MMP24: variants seen among roughly 807,000 people sequenced by gnomAD.
MMP24 encodes matrix metalloproteinase-24.
MMP24 carries 25 observed loss-of-function variants against 62.8 expected under a neutral mutation model. The observed-to-expected ratio is 0.40, with a 90% CI of 0.29 to 0.56. The LOEUF (loss-of-function observed/expected upper bound fraction) is 0.56. Among genes scored for constraint, MMP24 ranks in the 20% least tolerant of loss-of-function variants. MMP24 has a pLI of 0.50. For synonymous variants in MMP24, 319 were observed against 350.5 expected (o/e 0.91, Z 1.00); for missense variants, 634 against 853.6 (o/e 0.74, Z 3.21).
rs1402789255 is a variant in MMP24, at chr20:35,267,232, C to T, written c.1007C>T (p.Thr336Ile). ...CCCCCAGCCGAGCCTCTGGAGCCCACAAGGCCACTCCCTACACTCCCCGTC... is the reference window on the plus strand; with the variant it reads ...CCCCCAGCCGAGCCTCTGGAGCCCATAAGGCCACTCCCTACACTCCCCGTC... The part of the protein sequence containing the change: ...YGPPAEPLEP[T>I]RPLPTLPVRR... The change falls in exon 6 of 9, where the codon ACA becomes ATA. Residue 336 changes from threonine (T) to isoleucine (I), a missense_variant. Transcript: ENST00000246186. 6.2e-7 allele frequency: 1 copy of T among 1,602,992 alleles called. No individual in the cohort carries two copies. Among genetic ancestry groups the T allele is most frequent in the Non-Finnish European group, 8.5e-7 (1 of 1,175,336 alleles).
intron 1 of MMP24, among the ~76,000 whole-genome samples, chr20:35,230,754 AG>A (rs1266324243): frequency 1.3e-5 from 2 of 152,346 alleles, no homozygotes; most frequent in East Asian, 3.9e-4. Context: ...TCTTTAATTG[AG>A]TTGCCCAAGG....
Position 35,229,646 on chromosome 20 carries a change from CTCTT to C in MMP24, c.246+2666_246+2669del, listed in dbSNP as rs556379463. Among the ~76,000 whole-genome samples the C allele has an allele frequency of 1.9e-3, 288 of 152,214 alleles. 1 individual carries two copies. The highest frequency in any genetic ancestry group is 2.7e-3 in the Non-Finnish European group (185 of 68,002). ...AGCCGGCAGATAATATTGCTTACTC[CTCTT>C]TCTGTCTTTTAAGCCCTCTGGAGTC... On this transcript the variant is annotated intron_variant, in intron 1 of 8. Coordinates refer to ENST00000246186, the MANE Select transcript of MMP24 (RefSeq NM_006690.4).
At chr20:35,251,629 G>T (rs532185856) in intron 2 of MMP24, among the ~76,000 whole-genome samples, 46 of 152,146 alleles carry the variant, frequency 3.0e-4, no homozygotes, top group Non-Finnish European at 5.3e-4. Flanking sequence ...CTTGCCTGGG[G>T]GTCCTATGAC....
chr20:35,243,186 GA>G (rs909173360), intron 1 of MMP24, among the ~76,000 whole-genome samples: 14 of 148,844 alleles, frequency 9.4e-5, no homozygotes, highest in South Asian at 4.3e-4. Context: ...CTCAAAAAAA[GA>G]AAAAAAAAAT....
At chr20:35,244,908 A>G (rs2060506946) in intron 1 of MMP24, among the ~76,000 whole-genome samples, 1 of 152,216 alleles carries the variant, frequency 6.6e-6, no homozygotes, top group Admixed American at 6.5e-5. Context: ...GTGCCTCGTG[A>G]TACTATAACC....
rs764142569 is a variant in MMP24, at chr20:35,275,700, GC to G, written c.*1096del. The G allele has an allele frequency of 4.0e-4, 97 of 245,546 alleles. No homozygotes were observed. The highest frequency in any genetic ancestry group is 6.1e-4 in the Non-Finnish European group (79 of 129,420). The allele number at this position is 245,546 out of a possible 1,614,324, so 15.2% of individuals were successfully genotyped here. ...GACCAGGGCGTCTGAAGTGCTCAGT[GC>G]CCCCACTACTCTGAGGCCGACTCCA... On this transcript the variant is annotated 3_prime_UTR_variant, in exon 9 of 9. Transcript: ENST00000246186.
chr20:35,267,704 G>A (rs1568620786), intron 6 of MMP24, among the ~76,000 whole-genome samples: 1 of 152,328 alleles, frequency 6.6e-6, no homozygotes, highest in South Asian at 2.1e-4. Flanking sequence ...CCCTTCTTGG[G>A]ACCTCAGTTT....
At chr20:35,235,365 C>G (rs2060457864) in intron 1 of MMP24, among the ~76,000 whole-genome samples, 1 of 152,240 alleles carries the variant, frequency 6.6e-6, no homozygotes, top group Non-Finnish European at 1.5e-5. Flanking sequence ...GATTGTACCA[C>G]TGCACTGCAG....
chr20:35,232,052 A>G (rs2060440288), intron 1 of MMP24, among the ~76,000 whole-genome samples: 1 of 152,142 alleles, frequency 6.6e-6, no homozygotes, highest in Non-Finnish European at 1.5e-5. Context: ...CAGAAGAAAA[A>G]AAGAAATTAA....
chr20:35,270,534 G>C (rs1205512359), intron 7 of MMP24, among the ~76,000 whole-genome samples: 2 of 152,236 alleles, frequency 1.3e-5, no homozygotes, highest in African/African-American at 4.8e-5. Flanking sequence ...GCCAGAATGT[G>C]GTCTTGATCC....
chr20:35,234,325 T>C (rs550845640), intron 1 of MMP24, among the ~76,000 whole-genome samples: 1 of 152,314 alleles, frequency 6.6e-6, no homozygotes, highest in East Asian at 1.9e-4. Context: ...TCTCTTTCAT[T>C]CCACTTATCA....
intron 5 of MMP24, chr20:35,264,208 T>C (rs74410031): frequency 0.039 from 11,327 of 289,960 alleles, 775 homozygotes; most frequent in African/African-American, 0.18. Context: ...GGGCCACCCA[T>C]TCCCTCTCCT....
chr20:35,269,787 A>T lies in MMP24; in HGVS notation c.1222A>T (p.Asn408Tyr). The T allele has an allele frequency of 6.4e-7, 1 of 1,572,168 alleles. No individual in the cohort carries two copies. The highest frequency in any genetic ancestry group is 1.2e-5 in the South Asian group (1 of 85,082). The change falls in exon 7 of 9, where the codon AAC becomes TAC. Residue 408 changes from asparagine to tyrosine, a missense_variant. Around this residue, in one of 3 missense-constraint regions of MMP24, gnomAD observed 399 missense variants for 530.8 expected, o/e 0.75. Transcript: ENST00000246186. This position sits in a 1 kb window ranked among gnomAD's most constrained non-coding sequence, Gnocchi z 4.6. ...KDRWFWRLRN[N>Y]RVQEGYPMQI... is the part of the protein sequence containing the mutation. ...TCGCTGGTTCTGGCGTCTGCGCAAT[A>T]ACCGAGTGCAGGAGGGCTACCCCAT...
chr20:35,267,479 C>A, intron 6 of MMP24, 60 bp downstream of exon 6: 1 of 1,474,142 alleles, frequency 6.8e-7, no homozygotes. Context: ...TCCTCCCCGA[C>A]ATCATGGAGC....
In MMP24 at chr20:35,269,235, T is replaced by C. The variant is rs2146240111; in HGVS notation, c.1195-525T>C. On this transcript the variant is annotated intron_variant, in intron 6 of 8. Coordinates refer to ENST00000246186, the MANE Select transcript of MMP24 (RefSeq NM_006690.4). The surrounding 1 kb of genome is among the most constrained non-coding windows in gnomAD (Gnocchi z 4.6). Reference sequence around the variant, plus strand: ...AATCTCTCATCTGATTCTCCATTATTACCTGCACTTGCAGGTGAGGCCTAG... The same window carrying C: ...AATCTCTCATCTGATTCTCCATTATCACCTGCACTTGCAGGTGAGGCCTAG... Among the ~76,000 whole-genome samples the C allele has an allele frequency of 2.0e-5, 3 of 152,306 alleles. No homozygotes were observed. The Middle Eastern group carries it at 0.01, about 518-fold the overall frequency.
chr20:35,274,962 G>A lies in MMP24; in HGVS notation c.*353G>A. 1 of 266,808 alleles carries A rather than the reference G, an allele frequency of 3.7e-6. No homozygotes were observed. Among genetic ancestry groups the A allele is most frequent in the Non-Finnish European group, 7.2e-6 (1 of 139,762 alleles). 16.5% of individuals were successfully genotyped at this position (266,808 alleles called of 1,614,324 possible). ...ATGAGGTACCACAGCTCCACTCCTG[G>A]CTGGAACCCAGCACCCTCTGTGGGA... On this transcript the variant is annotated 3_prime_UTR_variant, in exon 9 of 9. Coordinates refer to ENST00000246186, the MANE Select transcript of MMP24 (RefSeq NM_006690.4). This position sits in a 1 kb window ranked among gnomAD's most constrained non-coding sequence, Gnocchi z 5.1.
Position 35,275,931 on chromosome 20 carries a change from T to G in MMP24, c.*1322T>G, listed in dbSNP as rs887073325. ...GTCTCCAGCAGGAGTTCCTAGGGCT[T>G]GGCCTGCCTTGCTCCACAGTACGGC... On this transcript the variant is annotated 3_prime_UTR_variant, in exon 9 of 9. Transcript: ENST00000246186. 2.5e-6 allele frequency: 1 copy of G among 398,362 alleles called. No homozygotes were observed. The highest frequency in any genetic ancestry group is 1.3e-4 in the South Asian group (1 of 7,652). The allele number at this position is 398,362 out of a possible 1,614,324, so 24.7% of individuals were successfully genotyped here.
intron 6 of MMP24, 107 bp downstream of exon 6, chr20:35,267,526 G>A (rs1302121678): frequency 8.3e-7 from 1 of 1,202,260 alleles, no homozygotes. Flanking sequence ...GATTACAATG[G>A]GGCCTGGACA....
At chr20:35,244,108 G>GA (rs1394291097) in intron 1 of MMP24, among the ~76,000 whole-genome samples, 45 of 152,176 alleles carry the variant, frequency 3.0e-4, no homozygotes, top group Non-Finnish European at 6.0e-4. Context: ...GCTGCCTTCT[G>GA]AAAAACTGTT....
Sources: allele counts gnomAD v4.1 joint callset (sites outside exome capture counted in the v4.1 genomes callset), GRCh38; gene constraint gnomAD v4.1.1; regional missense constraint gnomAD v4.1.1; non-coding constraint Gnocchi (gnomAD v3.1); transcripts MANE v1.5; gene names NCBI Gene and HGNC (gene_info 2026-07-23, HGNC 2026-07-21).